The following FAR1 variants were observed in gnomAD, a reference collection of about 807,000 sequenced individuals.
The protein encoded by FAR1 is fatty acyl-CoA reductase 1, also known as male sterility domain-containing protein 2.
A neutral mutation model predicts 61.1 loss-of-function variants in FAR1; 22 were observed. The observed-to-expected ratio is 0.36, with a 90% CI of 0.26 to 0.51. FAR1 has a LOEUF of 0.51. Ranked by LOEUF, FAR1 falls within the 20% of genes least tolerant of loss-of-function variation. The probability of loss-of-function intolerance (pLI) is 0.95; values close to 1 mark genes in which losing one functional copy is unlikely to be tolerated. For missense variants in FAR1, 359 were observed against 626.9 expected, an observed-to-expected ratio of 0.57 and a Z score of 4.56; for synonymous variants, 206 against 209.7, an observed-to-expected ratio of 0.98 and a Z score of 0.15.
intron 1 of FAR1, among the ~76,000 whole-genome samples, chr11:13,682,742 A>G (rs1448821835): frequency 6.6e-6 from 1 of 151,974 alleles, no homozygotes; most frequent in Non-Finnish European, 1.5e-5. Context: ...TCAAGTAGCT[A>G]GAATCACAGG....
intron 1 of FAR1, among the ~76,000 whole-genome samples, chr11:13,672,913 G>T (rs1848025865): frequency 6.6e-6 from 1 of 152,162 alleles, no homozygotes; most frequent in Non-Finnish European, 1.5e-5. Context: ...ACAAACCACT[G>T]ATAGAATTGT....
intron 1 of FAR1, chr11:13,670,093 A>G (rs943903125): frequency 6.6e-6 from 1 of 152,150 alleles, no homozygotes; most frequent in African/African-American, 2.4e-5. Context: ...AAACAGAGAC[A>G]GGGTTTGCTG....
chr11:13,707,115 ATACT>A (rs1287097739), intron 3 of FAR1, among the ~76,000 whole-genome samples: 19 of 152,312 alleles, frequency 1.2e-4, no homozygotes, highest in East Asian at 3.9e-4. Flanking sequence ...TTGTGATAAA[ATACT>A]TACTTTATTG....
intron 10 of FAR1, among the ~76,000 whole-genome samples, chr11:13,722,859 T>TCTCTCTCTCTAA (rs1848626635): frequency 1.1e-5 from 1 of 92,900 alleles, no homozygotes; most frequent in African/African-American, 3.7e-5. Flanking sequence ...TCTCTCTCTC[T>TCTCTCTCTCTAA]ATATATATAT....
At chr11:13,710,550 C>G (rs1848486651) in intron 4 of FAR1, 143 bp from the exon 5 acceptor site, 1 of 644,626 alleles carries the variant, frequency 1.6e-6, no homozygotes, top group East Asian at 3.2e-5. Context: ...AAAAATAAGA[C>G]TAAGTTCCAT....
intron 2 of FAR1, among the ~76,000 whole-genome samples, chr11:13,696,327 T>A (rs542658935): frequency 2.0e-5 from 3 of 152,276 alleles, no homozygotes; most frequent in African/African-American, 7.2e-5. Context: ...CAGGGATAAG[T>A]AAGATACGTT....
chr11:13,675,412 C>T (rs1204531523), intron 1 of FAR1, among the ~76,000 whole-genome samples: 7 of 152,068 alleles, frequency 4.6e-5, no homozygotes, highest in African/African-American at 7.2e-5. Flanking sequence ...ATGGATAAAG[C>T]GTGCGGTTAG....
At chr11:13,676,481 A>T (rs1848070525) in intron 1 of FAR1, among the ~76,000 whole-genome samples, 1 of 152,142 alleles carries the variant, frequency 6.6e-6, no homozygotes, top group Non-Finnish European at 1.5e-5. Context: ...TGAGGTTCAC[A>T]TCTGTGTTGA....
At chr11:13,680,230 C>T (rs1306257114) in intron 1 of FAR1, among the ~76,000 whole-genome samples, 1 of 142,492 alleles carries the variant, frequency 7.0e-6, no homozygotes, top group African/African-American at 2.5e-5. Context: ...CATTTTGGCT[C>T]TTTTTTTGTT....
intron 1 of FAR1, among the ~76,000 whole-genome samples, chr11:13,691,690 A>G (rs909662530): frequency 6.6e-6 from 1 of 152,204 alleles, no homozygotes; most frequent in Non-Finnish European, 1.5e-5. Flanking sequence ...ATGTTGTAGT[A>G]AGTATCAGAA....
At chr11:13,670,857 A>C (rs1847993581) in intron 1 of FAR1, among the ~76,000 whole-genome samples, 1 of 152,130 alleles carries the variant, frequency 6.6e-6, no homozygotes, top group South Asian at 2.1e-4. Context: ...AGTAGAAAAG[A>C]AGGTGGCCCA....
At chr11:13,672,316 T>A (rs1486212335) in intron 1 of FAR1, among the ~76,000 whole-genome samples, 1 of 151,010 alleles carries the variant, frequency 6.6e-6, no homozygotes, top group East Asian at 2.0e-4. Context: ...TTTAAAAAAA[T>A]GAGCAGGCAG....
intron 1 of FAR1, among the ~76,000 whole-genome samples, chr11:13,679,400 A>G (rs868825080): frequency 1.3e-5 from 2 of 152,188 alleles, no homozygotes; most frequent in South Asian, 2.1e-4. Flanking sequence ...AATTGAATAC[A>G]TGTTTTTGCA....
At chr11:13,703,716 ATAGGCT>A (rs1848401819) in intron 3 of FAR1, among the ~76,000 whole-genome samples, 1 of 152,140 alleles carries the variant, frequency 6.6e-6, no homozygotes, top group African/African-American at 2.4e-5. Flanking sequence ...AGAAAAATAG[ATAGGCT>A]TAGGATTCAT....
rs566961800 is a variant in FAR1 at position 13,719,044 on chromosome 11, C to A, written c.1128-2686C>A. Among the ~76,000 whole-genome samples the A allele has an allele frequency of 9.9e-5, 15 of 152,268 alleles. No individual in the cohort carries two copies. In the East Asian group the frequency reaches 2.9e-3, roughly 29 times the overall value. On this transcript the variant is annotated intron_variant, in intron 9 of 11. Coordinates refer to ENST00000354817, the MANE Select transcript of FAR1 (RefSeq NM_032228.6). Reference sequence around the variant, plus strand: ...GCTCTACACCTTTCTGACCTAGCCTCGGAAGTCACATCATGTCACTTCCAC... The same window carrying A: ...GCTCTACACCTTTCTGACCTAGCCTAGGAAGTCACATCATGTCACTTCCAC...
intron 1 of FAR1, among the ~76,000 whole-genome samples, chr11:13,680,921 T>C (rs991208008): frequency 3.9e-5 from 6 of 152,178 alleles, no homozygotes; most frequent in African/African-American, 1.4e-4. Context: ...AGGATTGGTT[T>C]TCAATGCTTC....
chr11:13,681,649 A>G (rs1367228379), intron 1 of FAR1, among the ~76,000 whole-genome samples: 2 of 152,238 alleles, frequency 1.3e-5, no homozygotes, highest in Non-Finnish European at 2.9e-5. Context: ...CCCATGCTAT[A>G]AGGAAGCCCA....
chr11:13,728,531 ACT>A, intron 11 of FAR1, 79 bp from the exon 12 acceptor site: 1 of 1,250,360 alleles, frequency 8.0e-7, no homozygotes, highest in Non-Finnish European at 1.1e-6. Context: ...TTGATTAAAA[ACT>A]CAGTATTAAT....
chr11:13,728,631 G>A lies in FAR1; in HGVS notation c.1405G>A (p.Gly469Ser). 2 of 1,611,328 alleles carry A rather than the reference G, an allele frequency of 1.2e-6. No individual in the cohort carries two copies. Among genetic ancestry groups the A allele is most frequent in the African/African-American group, 1.3e-5 (1 of 74,892 alleles). Residue 469 changes from glycine to serine, a missense_variant, in exon 12 of 12, where the codon GGT becomes AGT. Coordinates refer to ENST00000354817, the MANE Select transcript of FAR1 (RefSeq NM_032228.6). ...TTCCAGGTTGCGGAATATACGTTATGGTTTTAATACTATCCTTGTGATCCT... is the reference window on the plus strand; with the variant it reads ...TTCCAGGTTGCGGAATATACGTTATAGTTTTAATACTATCCTTGTGATCCT... ...HLNKLRNIRY[G>S]FNTILVILIW... is the part of the protein sequence containing the mutation.
Sources: allele counts gnomAD v4.1 joint callset (sites outside exome capture counted in the v4.1 genomes callset), GRCh38; gene constraint gnomAD v4.1.1; transcripts MANE v1.5; gene names NCBI Gene and HGNC (gene_info 2026-07-23, HGNC 2026-07-21).